THSD1: variants seen among roughly 807,000 people sequenced by gnomAD.
THSD1 encodes the protein thrombospondin type 1 domain containing 1, also known as thrombospondin type-1 domain-containing protein 1.
A neutral mutation model predicts 46.3 loss-of-function variants in THSD1; 34 were observed. The ratio of observed to expected loss-of-function variants is 0.74; its 90% confidence interval spans 0.56 to 0.98. THSD1 has a LOEUF of 0.98. THSD1 is among the 50% of genes least tolerant of loss of function. THSD1 has a pLI of 0.00. For synonymous variants in THSD1, 407 were observed against 416.5 expected (o/e 0.98, Z 0.28); for missense variants, 1,023 against 1,058.3 (o/e 0.97, Z 0.46).
At position 52,397,586 on chromosome 13, in the gene THSD1, C is replaced by T. The variant is rs1957821486; in HGVS notation, c.667G>A (p.Gly223Arg). Reference sequence around the variant, plus strand: ...GTGGAGGTAATGACTGAGTCTCGCCCAAGCAGCTTCAGCACCACGGTGACA... The same window carrying T: ...GTGGAGGTAATGACTGAGTCTCGCCTAAGCAGCTTCAGCACCACGGTGACA... ...AYVTVVLKLL[G>R]RDSVITSTGP... The change falls in exon 3 of 5, where the codon GGG becomes AGG. Residue 223 changes from glycine (G) to arginine (R), a missense_variant. Physicochemically the swap from Gly to Arg is moderately radical, Grantham distance 125. Transcript: ENST00000258613. The T allele has an allele frequency of 1.9e-6, 3 of 1,614,046 alleles. No homozygotes were observed. The highest frequency in any genetic ancestry group is 1.3e-5 in the African/African-American group (1 of 74,920).
Position 52,378,702 on chromosome 13 carries a change from C to A in THSD1, c.1268G>T (p.Cys423Phe), listed in dbSNP as rs1169508878. The A allele has an allele frequency of 6.2e-7, 1 of 1,613,930 alleles. No individual in the cohort carries two copies. Among genetic ancestry groups the A allele is most frequent in the Non-Finnish European group, 8.5e-7 (1 of 1,180,022 alleles). Residue 423 changes from cysteine to phenylalanine, a missense_variant, in exon 5 of 5, where the codon TGC (cysteine) becomes TTC (phenylalanine). Cys to Phe is a radical substitution (Grantham distance 205). Coordinates refer to ENST00000258613, the MANE Select transcript of THSD1 (RefSeq NM_018676.4). ...CACAGTGGCAATGATGATGAACAAG[C>A]ACAAGGATATACCAGTGACAGTCAC... ...NIVTVTGISL[C>F]LFIIIATVLI...
chr13:52,387,997 C>G (rs114610464), intron 3 of THSD1, among the ~76,000 whole-genome samples: 156 of 152,074 alleles, frequency 1.0e-3, no homozygotes, highest in African/African-American at 3.6e-3. Flanking sequence ...CAATACTGTA[C>G]CCAAACTGCT....
chr13:52,379,117 C>T (rs755928443), intron 4 of THSD1, among the ~76,000 whole-genome samples: 37 of 152,154 alleles, frequency 2.4e-4, no homozygotes, highest in Admixed American at 1.5e-3. Context: ...CCGCCTTGGC[C>T]TCCCAAAGTG....
intron 4 of THSD1, among the ~76,000 whole-genome samples, chr13:52,383,096 T>C (rs1957705005): frequency 6.6e-6 from 1 of 152,162 alleles, no homozygotes; most frequent in Admixed American, 6.5e-5. Flanking sequence ...TGGGTACATT[T>C]TTCATTGCAG....
Position 52,378,029 on chromosome 13 carries a change from G to C in THSD1, c.1941C>G (p.Asn647Lys). Reference sequence around the variant, plus strand: ...AACTCGCTGTCCTCCTGAAATGGGCGTTCCTGGCATGGCTCCTTTCGGACG... The same window carrying C: ...AACTCGCTGTCCTCCTGAAATGGGCCTTCCTGGCATGGCTCCTTTCGGACG... ...GGPSERSHAR[N>K]AHFRRTASFH... The change falls in exon 5 of 5, where the codon AAC becomes AAG. Residue 647 changes from asparagine to lysine, a missense_variant. Transcript: ENST00000258613. 1 of 1,614,154 alleles carries C rather than the reference G, an allele frequency of 6.2e-7. No homozygotes were observed. The highest frequency in any genetic ancestry group is 8.5e-7 in the Non-Finnish European group (1 of 1,180,044).
At chr13:52,398,656 T>C (rs1002048607) in intron 2 of THSD1, 1 of 950,838 alleles carries the variant, frequency 1.1e-6, no homozygotes. Flanking sequence ...AGTGGTTCTG[T>C]TCCTTCTTCA....
intron 3 of THSD1, among the ~76,000 whole-genome samples, chr13:52,391,930 T>C (rs113694914): frequency 0.072 from 10,881 of 151,668 alleles, 521 homozygotes; most frequent in African/African-American, 0.13. Flanking sequence ...CGGTGGCTCA[T>C]GCCTGTAATC....
intron 1 of THSD1, among the ~76,000 whole-genome samples, chr13:52,404,625 G>C (rs1156752330): frequency 6.6e-6 from 1 of 152,202 alleles, no homozygotes; most frequent in East Asian, 1.9e-4. Flanking sequence ...AAGTCAGCCA[G>C]TAAGATCCTT....
Position 52,397,889 on chromosome 13 carries a change from A to G in THSD1, c.364T>C (p.Phe122Leu), listed in dbSNP as rs749371299. Residue 122 changes from phenylalanine (F) to leucine (L), a missense_variant, in exon 3 of 5, where the codon TTT (phenylalanine) becomes CTT (leucine). Phe to Leu is a conservative substitution (Grantham distance 22). Transcript: ENST00000258613. ...AAGACAGGCCATTCCACCTTCAGAA[A>G]GGCACTTTTCTCCCACCAGGGGAAT... The part of the protein sequence containing the change: ...TPFPWWEKSA[F>L]LKVEWPVFHV... 6.2e-7 allele frequency: 1 copy of G among 1,614,254 alleles called. No homozygotes were observed. The highest frequency in any genetic ancestry group is 8.5e-7 in the Non-Finnish European group (1 of 1,180,048).
At chr13:52,378,871 T>TC (rs1957668515) in intron 4 of THSD1, 82 bp from the exon 5 acceptor site, 1 of 1,412,716 alleles carries the variant, frequency 7.1e-7, no homozygotes, top group East Asian at 2.5e-5. Flanking sequence ...TTCTTTTTTT[T>TC]TTTTTTTTTG....
chr13:52,386,294 T>C (rs958485559), intron 3 of THSD1, 108 bp from the exon 4 acceptor site: 3 of 1,179,656 alleles, frequency 2.5e-6, no homozygotes, highest in East Asian at 4.8e-5. Flanking sequence ...GAAAAGCCCG[T>C]GAGTTAAAGC....
At chr13:52,398,869 A>T (rs961837755) in intron 2 of THSD1, among the ~76,000 whole-genome samples, 1 of 152,244 alleles carries the variant, frequency 6.6e-6, no homozygotes, top group African/African-American at 2.4e-5. Flanking sequence ...AGAAAGCTTG[A>T]TTTAAATGAC....
rs1957646464 is a variant in THSD1 at position 52,377,800 on chromosome 13, G to A, written c.2170C>T (p.Pro724Ser). The A allele has an allele frequency of 6.2e-7, 1 of 1,614,154 alleles. No individual in the cohort carries two copies. Among genetic ancestry groups the A allele is most frequent in the East Asian group, 2.2e-5 (1 of 44,884 alleles). Residue 724 changes from proline (P) to serine (S), a missense_variant, in exon 5 of 5, where the codon CCT (proline) becomes TCT (serine). By Grantham distance (74) the Pro-to-Ser change is moderately conservative (BLOSUM62 -1). This residue lies in a region of THSD1 where 578 missense variants were observed against 497.4 expected (regional missense o/e 1.16). Transcript: ENST00000258613. ...EASGTRGPLNPLPKSYTLGQP... is the reference protein window; with the variant it reads ...EASGTRGPLNSLPKSYTLGQP... ...CCCAAAGTGTAGGATTTAGGGAGAGGGTTTAATGGACCACGGGTTCCACTT... is the reference window on the plus strand; with the variant it reads ...CCCAAAGTGTAGGATTTAGGGAGAGAGTTTAATGGACCACGGGTTCCACTT...
chr13:52,378,774 C>A lies in THSD1; in HGVS notation c.1196G>T (p.Ser399Ile). ...LEECAAFQPS[S>I]PSPLQPQGPV... ...ACCCTGGGGCTGAAGAGGAGATGGG[C>A]TGGATGGCTGGAAAGCTGCAAAAAA... is the stretch of plus-strand genomic sequence containing the variant. The change falls in exon 5 of 5, where the codon AGC (serine) becomes ATC (isoleucine). Residue 399 changes from serine (S) to isoleucine (I), a missense_variant. By Grantham distance (142) the Ser-to-Ile change is moderately radical. Coordinates refer to ENST00000258613, the MANE Select transcript of THSD1 (RefSeq NM_018676.4). 6.3e-7 allele frequency: 1 copy of A among 1,582,354 alleles called. No individual in the cohort carries two copies. The highest frequency in any genetic ancestry group is 1.1e-5 in the South Asian group (1 of 87,550).
intron 3 of THSD1, among the ~76,000 whole-genome samples, chr13:52,393,238 A>G (rs1957786149): frequency 6.6e-6 from 1 of 152,224 alleles, no homozygotes; most frequent in Non-Finnish European, 1.5e-5. Context: ...TAAACTTGTT[A>G]TGAGGACTAT....
chr13:52,399,511 A>G (rs1957836974), intron 2 of THSD1, among the ~76,000 whole-genome samples: 1 of 152,198 alleles, frequency 6.6e-6, no homozygotes, highest in Admixed American at 6.5e-5. Context: ...TGCAGTCTTT[A>G]AAATACCCTT....
chr13:52,386,199 A>G lies in THSD1; in HGVS notation c.1022-13T>C. On this transcript the variant is annotated splice_polypyrimidine_tract_variant and intron_variant, in intron 3 of 4. Transcript: ENST00000258613. ...AGTCCCCAAGTTTCTGCAAGGATAT[A>G]AGTTATGCTTTTAATGCTAGTTCAT... 1.2e-6 allele frequency: 2 copies of G among 1,612,568 alleles called. No individual in the cohort carries two copies. The highest frequency in any genetic ancestry group is 1.7e-6 in the Non-Finnish European group (2 of 1,179,194).
At chr13:52,382,254 CAGT>C (rs1957698824) in intron 4 of THSD1, among the ~76,000 whole-genome samples, 1 of 152,218 alleles carries the variant, frequency 6.6e-6, no homozygotes, top group Admixed American at 6.5e-5. Flanking sequence ...ACAGTTCACA[CAGT>C]TGCCAGTACT....
Position 52,390,693 on chromosome 13 carries a change from C to A in THSD1, c.1022-4507G>T, listed in dbSNP as rs1957766748. On this transcript the variant is annotated intron_variant, in intron 3 of 4. Coordinates refer to ENST00000258613, the MANE Select transcript of THSD1 (RefSeq NM_018676.4). ...TTGTGATTTATTTTGGGAAAATCTA[C>A]TGGAAATCCGACTACTGTAAAATCT... is the stretch of plus-strand genomic sequence containing the variant. Among the ~76,000 whole-genome samples, 3 of 152,222 alleles carry A rather than the reference C, an allele frequency of 2.0e-5. 1 individual carries two copies. In the South Asian group the frequency reaches 6.2e-4, roughly 32 times the overall value.
Sources: gnomAD v4.1 joint callset for allele counts (sites outside exome capture counted in the v4.1 genomes callset) on GRCh38, gnomAD v4.1.1 for gene constraint, gnomAD v4.1.1 regional missense constraint, MANE v1.5 for transcripts, NCBI Gene and HGNC (gene_info 2026-07-23, HGNC 2026-07-21) for gene names.